The following PCCA variants were observed in gnomAD, a reference collection of about 807,000 sequenced individuals.
The protein encoded by PCCA is propionyl-CoA carboxylase alpha chain, mitochondrial.
Under a neutral mutation model 101.3 loss-of-function variants are expected in PCCA, and 74 were observed. The ratio of observed to expected loss-of-function variants is 0.73; its 90% CI spans 0.61 to 0.89. PCCA has a LOEUF of 0.89. PCCA is among the 40% of genes least tolerant of loss of function. The pLI, the probability that PCCA is intolerant of heterozygous loss-of-function variation, is 0.00. For synonymous variants in PCCA, 294 were observed against 313.6 expected (o/e 0.94, Z 0.66); for missense variants, 891 against 907.0 (o/e 0.98, Z 0.23).
At chr13:100,173,989 C>T (rs570236092) in intron 6 of PCCA, among the ~76,000 whole-genome samples, 2 of 152,164 alleles carry the variant, frequency 1.3e-5, no homozygotes, top group Non-Finnish European at 2.9e-5. Flanking sequence ...GTCAATTAAA[C>T]CTTTTTCTTT....
chr13:100,422,379 C>G (rs2078890247), intron 19 of PCCA, among the ~76,000 whole-genome samples: 1 of 151,922 alleles, frequency 6.6e-6, no homozygotes, highest in Non-Finnish European at 1.5e-5. Flanking sequence ...TTCAAGCAGT[C>G]CTCCTGCCTG....
At chr13:100,430,601 T>A (rs1481855564) in intron 20 of PCCA, among the ~76,000 whole-genome samples, 1 of 152,238 alleles carries the variant, frequency 6.6e-6, no homozygotes, top group African/African-American at 2.4e-5. Flanking sequence ...CATATTAATA[T>A]TACCACCAAT....
chr13:100,242,839 T>G (rs181788270), intron 8 of PCCA, among the ~76,000 whole-genome samples: 1 of 152,222 alleles, frequency 6.6e-6, no homozygotes, highest in African/African-American at 2.4e-5. Flanking sequence ...TTTATTTTTC[T>G]TTGCAAATGA....
At chr13:100,227,941 A>G (rs1180383779) in intron 7 of PCCA, among the ~76,000 whole-genome samples, 2 of 152,228 alleles carry the variant, frequency 1.3e-5, no homozygotes, top group Non-Finnish European at 2.9e-5. Flanking sequence ...TAAAGACTTC[A>G]AATGAAAAAT....
At chr13:100,317,065 G>A (rs972466625) in intron 16 of PCCA, among the ~76,000 whole-genome samples, 7 of 152,228 alleles carry the variant, frequency 4.6e-5, no homozygotes, top group Non-Finnish European at 1.0e-4. Context: ...TTTAACCAGG[G>A]CAGGGAAGTT....
chr13:100,137,400 A>G (rs2051313042), intron 4 of PCCA, among the ~76,000 whole-genome samples: 1 of 152,210 alleles, frequency 6.6e-6, no homozygotes, highest in Non-Finnish European at 1.5e-5. Context: ...CTCTATATCC[A>G]TGCCAATTTT....
intron 4 of PCCA, among the ~76,000 whole-genome samples, chr13:100,114,471 C>A (rs924078370): frequency 1.3e-5 from 2 of 152,098 alleles, no homozygotes; most frequent in Admixed American, 1.3e-4. Flanking sequence ...CGTGTGGTGG[C>A]ACACATCTGT....
chr13:100,420,812 A>C (rs947058927), intron 19 of PCCA, among the ~76,000 whole-genome samples: 1 of 152,228 alleles, frequency 6.6e-6, no homozygotes, highest in Admixed American at 6.5e-5. Context: ...GCAGTTTAAA[A>C]AAAACAGCTA....
At position 100,352,728 on chromosome 13, in the gene PCCA, G is replaced by T. The variant is rs907972879; in HGVS notation, c.1643+12469G>T. 4.6e-5 allele frequency among the ~76,000 whole-genome samples: 7 copies of T among 151,898 alleles called. No homozygotes were observed. In the East Asian group the frequency reaches 1.4e-3, roughly 29 times the overall value. ...ATTTTTTTTTTCTTCCAGAGACAGG[G>T]TCTTGCTCTGTCACCCAGGCTAGAA... is the stretch of plus-strand genomic sequence containing the variant. On this transcript the variant is annotated intron_variant, in intron 18 of 23. Transcript: ENST00000376285.
At chr13:100,143,359 C>T (rs1213077390) in intron 4 of PCCA, among the ~76,000 whole-genome samples, 1 of 151,132 alleles carries the variant, frequency 6.6e-6, no homozygotes, top group African/African-American at 2.4e-5. Context: ...GGTGAAACCC[C>T]GTCTCTACTA....
intron 4 of PCCA, among the ~76,000 whole-genome samples, chr13:100,135,337 G>A (rs2051030059): frequency 2.0e-5 from 3 of 152,050 alleles, no homozygotes; most frequent in South Asian, 4.1e-4. Context: ...GCTGCAATGA[G>A]TTATGATCAC....
intron 7 of PCCA, among the ~76,000 whole-genome samples, chr13:100,214,079 T>C (rs1302395611): frequency 1.3e-5 from 2 of 152,188 alleles, no homozygotes; most frequent in African/African-American, 4.8e-5. Context: ...TTCTGTTCTA[T>C]TGGTCTATGC....
At position 100,150,551 on chromosome 13, in the gene PCCA, T is replaced by C. The variant is rs1234835285; in HGVS notation, c.301-4428T>C. On this transcript the variant is annotated intron_variant, in intron 4 of 23. Coordinates refer to ENST00000376285, the MANE Select transcript of PCCA (RefSeq NM_000282.4). Reference sequence around the variant, plus strand: ...TCCCCGGCGAGAACCACCAATAGTGTGGTGGAACTTACGGCCGTTTCCAAG... The same window carrying C: ...TCCCCGGCGAGAACCACCAATAGTGCGGTGGAACTTACGGCCGTTTCCAAG... The C allele has an allele frequency of 5.4e-6, 7 of 1,286,224 alleles. No homozygotes were observed. The African/African-American group carries it at 8.8e-5, about 16-fold the overall frequency. 79.7% of individuals were successfully genotyped at this position (1,286,224 alleles called of 1,614,324 possible).
intron 8 of PCCA, among the ~76,000 whole-genome samples, chr13:100,246,629 A>G (rs2061443421): frequency 1.3e-5 from 2 of 151,928 alleles, no homozygotes; most frequent in Admixed American, 1.3e-4. Flanking sequence ...TGCCAAGCCT[A>G]GTGATATATT....
At chr13:100,352,735 T>C (rs2073431737) in intron 18 of PCCA, among the ~76,000 whole-genome samples, 1 of 151,992 alleles carries the variant, frequency 6.6e-6, no homozygotes, top group Non-Finnish European at 1.5e-5. Context: ...AGGGTCTTGC[T>C]CTGTCACCCA....
intron 21 of PCCA, among the ~76,000 whole-genome samples, chr13:100,498,235 CAAAAAA>C (rs34099057): frequency 6.3e-5 from 8 of 127,968 alleles, no homozygotes; most frequent in Non-Finnish European, 1.2e-4. Flanking sequence ...GTAGGTTAGC[CAAAAAA>C]AAAAAAAAAA....
chr13:100,485,761 A>G (rs2084325761), intron 21 of PCCA, among the ~76,000 whole-genome samples: 1 of 152,166 alleles, frequency 6.6e-6, no homozygotes. Flanking sequence ...GAGCTGATGT[A>G]TATGGAGCAC....
rs2048377267 is a variant in PCCA, at chr13:100,112,162, T to G, written c.300+101T>G. Reference sequence around the variant, plus strand: ...TTTTCTTGGCCTGCACAAGATACATTCAAGTTTAAAAACTGTTTACTTGTT... The same window carrying G: ...TTTTCTTGGCCTGCACAAGATACATGCAAGTTTAAAAACTGTTTACTTGTT... On this transcript the variant is annotated intron_variant, in intron 4 of 23. Transcript: ENST00000376285. The G allele has an allele frequency of 7.4e-6, 6 of 805,652 alleles. No homozygotes were observed. The East Asian group carries it at 1.6e-4, about 21-fold the overall frequency. 49.9% of individuals were successfully genotyped at this position (805,652 alleles called of 1,614,324 possible). A position where few individuals can be genotyped will look rare whatever the true frequency, so the allele number is the denominator to read the frequency against.
rs770969017 is a variant in PCCA, at chr13:100,089,097, G to A, written c.-24G>A. 6.8e-7 allele frequency: 1 copy of A among 1,463,600 alleles called. No homozygotes were observed. 90.7% of individuals were successfully genotyped at this position (1,463,600 alleles called of 1,614,324 possible). Reference sequence around the variant, plus strand: ...CCTCCGGCTGTGTGAGAGGTCAGCAGAGGGGCGGTCTGCGGGGACAACAAT... The same window carrying A: ...CCTCCGGCTGTGTGAGAGGTCAGCAAAGGGGCGGTCTGCGGGGACAACAAT... On this transcript the variant is annotated 5_prime_UTR_variant, in exon 1 of 24. Coordinates refer to ENST00000376285, the MANE Select transcript of PCCA (RefSeq NM_000282.4).
Sources: allele counts gnomAD v4.1 joint callset (sites outside exome capture counted in the v4.1 genomes callset), GRCh38; gene constraint gnomAD v4.1.1; transcripts MANE v1.5; gene names NCBI Gene and HGNC (gene_info 2026-07-23, HGNC 2026-07-21).